TRAPPC2L: variants seen among roughly 807,000 people sequenced by gnomAD.
TRAPPC2L encodes the protein trafficking protein particle complex subunit 2L, also known as trafficking protein particle complex subunit 2-like protein.
Under a neutral mutation model 13.2 loss-of-function variants are expected in TRAPPC2L, and 17 were observed. The observed-to-expected ratio is 1.29, with a 90% CI of 0.88 to 1.93. The LOEUF is 1.93. Ranked by LOEUF, TRAPPC2L falls within the 30% of genes most tolerant of loss-of-function variation. The pLI is 0.00. For synonymous variants in TRAPPC2L, 150 were observed against 98.1 expected (o/e 1.53, Z -3.12); for missense variants, 359 against 252.1 (o/e 1.42, Z -2.87).
chr16:88,856,381 T>G, upstream of TRAPPC2L: 1 of 701,568 alleles, frequency 1.4e-6, no homozygotes, highest in Non-Finnish European at 2.6e-6. Context: ...CGCGCCCACC[T>G]TTCCCAAGAG....
At chr16:88,860,938 G>T in exon 4 of TRAPPC2L, 2 of 1,593,606 alleles carry the variant, frequency 1.3e-6, no homozygotes. Flanking sequence ...TGGTGACGTC[G>T]ATGATGATAC....
Position 88,858,757 on chromosome 16 carries a change from C to G in TRAPPC2L, c.172C>G (p.Leu58Val), listed in dbSNP as rs776256842. The G allele has an allele frequency of 2.5e-6, 4 of 1,613,312 alleles. No individual in the cohort carries two copies. In the African/African-American group the frequency reaches 4.0e-5, roughly 16 times the overall value. Residue 58 changes from leucine to valine, a missense_variant, in exon 2 of 4, where the codon CTG (leucine) becomes GTG (valine). By Grantham distance (32) the Leu-to-Val change is conservative. Coordinates refer to ENST00000565504, the Ensembl canonical transcript of TRAPPC2L. ...CCTGGTCGACCAGAGGGAGCTGTAC[C>G]TGGGCCTGCTCTACCCCACGGAGGA...
chr16:88,856,825 C>T, upstream of TRAPPC2L: 4 of 1,529,702 alleles, frequency 2.6e-6, no homozygotes, highest in Non-Finnish European at 2.6e-6. Context: ...CCCCGCGGCG[C>T]TGAGCACCAG....
At chr16:88,858,073 G>A (rs980290137) in intron 1 of TRAPPC2L, among the ~76,000 whole-genome samples, 1 of 152,230 alleles carries the variant, frequency 6.6e-6, no homozygotes, top group Non-Finnish European at 1.5e-5. Context: ...ATTTGTGCAG[G>A]ACCCAGTGCT....
At chr16:88,856,824 G>A (rs1439793321), upstream of TRAPPC2L, 2 of 1,529,804 alleles carry the variant, frequency 1.3e-6, no homozygotes, top group Non-Finnish European at 1.7e-6. Flanking sequence ...TCCCCGCGGC[G>A]CTGAGCACCA....
chr16:88,861,329 G>T (rs1968373094), exon 4 of TRAPPC2L: 1 of 368,136 alleles, frequency 2.7e-6, no homozygotes, highest in Non-Finnish European at 5.2e-6. Context: ...GAACAGGTGG[G>T]CTGGTCTGGA....
exon 3 of TRAPPC2L, chr16:88,859,738 C>G: frequency 6.2e-7 from 1 of 1,613,730 alleles, no homozygotes. Flanking sequence ...TTCGAGACAA[C>G]GAAATTCGCA....
chr16:88,859,878 C>T lies in TRAPPC2L; in HGVS notation c.295-15C>T, dbSNP rs1192857251. ...GTGTATGTGGCAAGGTCATGGTTTG[C>T]TGGGTCTTTTTCAGATGTTCCGGAA... On this transcript the variant is annotated splice_polypyrimidine_tract_variant and intron_variant, in intron 3 of 3. Transcript: ENST00000565504. The T allele has an allele frequency of 1.3e-6, 2 of 1,575,112 alleles. No homozygotes were observed. The highest frequency in any genetic ancestry group is 1.4e-5 in the African/African-American group (1 of 69,958).
chr16:88,862,398 T>G (rs914423217), exon 4 of TRAPPC2L: 2 of 152,408 alleles, frequency 1.3e-5, no homozygotes, highest in African/African-American at 2.4e-5. Flanking sequence ...GGGAAGCTCC[T>G]GTGAAGGGGA....
rs891254732 is a variant in TRAPPC2L, at chr16:88,857,142, C to T, written c.-9C>T. 6 of 1,575,940 alleles carry T rather than the reference C, an allele frequency of 3.8e-6. No homozygotes were observed. The African/African-American group carries it at 6.9e-5, about 18-fold the overall frequency. On this transcript the variant is annotated 5_prime_UTR_variant, in exon 1 of 4. Coordinates refer to ENST00000565504, the Ensembl canonical transcript of TRAPPC2L. ...ACGTGACGCGGTGCCTGGCGCCGAG[C>T]CTCCCAAGATGGCGGTGTGCATCGC...
upstream of TRAPPC2L, chr16:88,856,712 TCCCCGCCCCAC>T: frequency 2.3e-6 from 1 of 428,180 alleles, no homozygotes; most frequent in Non-Finnish European, 4.3e-6. Flanking sequence ...GCCCCTCCCC[TCCCCGCCCCAC>T]CCCGGCCCTG....
chr16:88,859,584 T>G, intron 2 of TRAPPC2L, 79 bp from the exon 3 acceptor site: 1 of 1,360,068 alleles, frequency 7.4e-7, no homozygotes, highest in Non-Finnish European at 1.1e-6. Flanking sequence ...TTGCCACATT[T>G]CTCCAAAGTG....
At chr16:88,860,299 T>G (rs1455195638) in exon 4 of TRAPPC2L, 1 of 697,056 alleles carries the variant, frequency 1.4e-6, no homozygotes, top group Non-Finnish European at 2.6e-6. Flanking sequence ...CTTTCAGGGA[T>G]CACACGTCCT....
In TRAPPC2L at chr16:88,859,984, T is replaced by G; in HGVS notation, c.386T>G (p.Leu129Arg). The stretch of plus-strand genomic sequence containing the variant: ...CGCATCCAGTCCAGGTGGGCCCTAC[T>G]TTCTGTGTCTTGCCACCTTCTTTCT... Residue 129 changes from leucine (L) to arginine (R), a missense_variant, in exon 4 of 4, where the codon CTT (leucine) becomes CGT (arginine). Coordinates refer to ENST00000565504, the Ensembl canonical transcript of TRAPPC2L. 6.2e-7 allele frequency: 1 copy of G among 1,613,128 alleles called. No homozygotes were observed. Among genetic ancestry groups the G allele is most frequent in the Non-Finnish European group, 8.5e-7 (1 of 1,179,208 alleles).
At chr16:88,860,856 C>A in exon 4 of TRAPPC2L, 1 of 1,551,404 alleles carries the variant, frequency 6.4e-7, no homozygotes, top group Non-Finnish European at 8.7e-7. Flanking sequence ...CGGCCCGTCT[C>A]TGAGCAGAGG....
chr16:88,858,578 T>C (rs749112414), intron 1 of TRAPPC2L, 41 bp from the exon 2 acceptor site: 2 of 1,600,060 alleles, frequency 1.2e-6, no homozygotes, highest in African/African-American at 1.3e-5. Flanking sequence ...GTGCGCTGGG[T>C]GGAGTCTTGT....
exon 4 of TRAPPC2L, chr16:88,860,802 C>T (rs1409909420): frequency 2.5e-6 from 3 of 1,219,356 alleles, no homozygotes; most frequent in Non-Finnish European, 3.5e-6. Context: ...ATTTCTGGAC[C>T]CTGGAGAAGG....
chr16:88,857,387 C>T (rs1163594146), intron 1 of TRAPPC2L: 1 of 524,668 alleles, frequency 1.9e-6, no homozygotes. Flanking sequence ...CTCGCCCGTC[C>T]CGCTGCTGAA....
chr16:88,860,953 G>T, exon 4 of TRAPPC2L: 6 of 1,590,580 alleles, frequency 3.8e-6, no homozygotes, highest in Admixed American at 1.8e-5. Flanking sequence ...TGATACAGGT[G>T]TGCTGAGTGA....
Sources: gnomAD v4.1 joint callset for allele counts (sites outside exome capture counted in the v4.1 genomes callset) on GRCh38, gnomAD v4.1.1 for gene constraint, MANE v1.5 for transcripts, NCBI Gene and HGNC (gene_info 2026-07-23, HGNC 2026-07-21) for gene names.